Variants in RDH11 observed in about 807,000 individuals in gnomAD.
The protein encoded by RDH11 is retinol dehydrogenase 11.
In RDH11, 19 loss-of-function variants were observed where a neutral mutation model predicts 33.4. The observed-to-expected ratio is 0.57, with a 90% CI of 0.40 to 0.83. The LOEUF is 0.83. RDH11 is among the 40% of genes least tolerant of loss of function. RDH11 has a pLI of 0.00. For missense variants in RDH11, 353 were observed against 389.0 expected (o/e 0.91, Z 0.78); for synonymous variants, 154 against 155.3 (o/e 0.99, Z 0.06).
chr14:67,692,096 C>G (rs1566830242), intron 3 of RDH11: 1 of 195,354 alleles, frequency 5.1e-6, no homozygotes, highest in Non-Finnish European at 1.0e-5. Flanking sequence ...ACCTCAAATA[C>G]AGCTCCAGCT....
intron 5 of RDH11, 91 bp downstream of exon 5, chr14:67,690,121 G>A (rs2037729957): frequency 8.9e-7 from 1 of 1,121,556 alleles, no homozygotes; most frequent in South Asian, 1.3e-5. Flanking sequence ...GTCCTCTCCA[G>A]GTGATGGGCT....
chr14:67,676,970 G>A lies in RDH11; in HGVS notation c.*1351C>T, dbSNP rs1012084377. 6.6e-6 allele frequency: 1 copy of A among 152,120 alleles called. No individual in the cohort carries two copies. The highest frequency in any genetic ancestry group is 2.4e-5 in the African/African-American group (1 of 41,416). 9.4% of individuals were successfully genotyped at this position (152,120 alleles called of 1,614,324 possible). ...AATTTTTCTAATTTTTCCGTAAAAT[G>A]ACCATTTCTAAACATATAGCTTAAT... On this transcript the variant is annotated 3_prime_UTR_variant, in exon 7 of 7. Transcript: ENST00000381346.
At chr14:67,688,732 G>T (rs1008621785) in intron 5 of RDH11, among the ~76,000 whole-genome samples, 1 of 151,922 alleles carries the variant, frequency 6.6e-6, no homozygotes, top group African/African-American at 2.4e-5. Flanking sequence ...CACTGTGCCT[G>T]ACCTTATTTG....
chr14:67,695,024 C>T (rs2037811645), intron 1 of RDH11, among the ~76,000 whole-genome samples: 1 of 152,184 alleles, frequency 6.6e-6, no homozygotes, highest in Non-Finnish European at 1.5e-5. Flanking sequence ...CAGCCCTCAC[C>T]GCCCCAGTAC....
rs1315093289 is a variant in RDH11, at chr14:67,677,257, A to G, written c.*1064T>C. ...ATTTTAATCTTGTCAAGACAATGTA[A>G]GGAAATGCCCCAAAATATTATTAAA... On this transcript the variant is annotated 3_prime_UTR_variant, in exon 7 of 7. Coordinates refer to ENST00000381346, the MANE Select transcript of RDH11 (RefSeq NM_016026.4). 6.6e-6 allele frequency: 1 copy of G among 152,120 alleles called. No homozygotes were observed. Among genetic ancestry groups the G allele is most frequent in the African/African-American group, 2.4e-5 (1 of 41,432 alleles). 9.4% of individuals were successfully genotyped at this position (152,120 alleles called of 1,614,324 possible). A position where few individuals can be genotyped will look rare whatever the true frequency, so the allele number is the denominator to read the frequency against.
intron 4 of RDH11, 123 bp from the exon 5 acceptor site, chr14:67,690,544 T>C (rs1315744226): frequency 1.3e-6 from 1 of 770,510 alleles, no homozygotes; most frequent in Non-Finnish European, 2.1e-6. Context: ...CTCCAACTTT[T>C]CATTATCAAC....
intron 6 of RDH11, among the ~76,000 whole-genome samples, chr14:67,679,292 C>T (rs1442026454): frequency 1.3e-5 from 2 of 152,122 alleles, no homozygotes; most frequent in Non-Finnish European, 2.9e-5. Flanking sequence ...CCCTGCCTCT[C>T]TATACTGTTG....
At chr14:67,694,449 T>C (rs3759766) in intron 1 of RDH11, among the ~76,000 whole-genome samples, 2,858 of 145,774 alleles carry the variant, frequency 0.02, 44 homozygotes, top group Middle Eastern at 0.043. Context: ...TATATATATA[T>C]ATACACACAC....
intron 6 of RDH11, among the ~76,000 whole-genome samples, chr14:67,679,604 A>G (rs1009348257): frequency 6.6e-6 from 1 of 152,104 alleles, no homozygotes. Context: ...GGGTTTTGCC[A>G]TGTTGGCCAG....
At chr14:67,678,723 C>CTAAGGATATA in intron 6 of RDH11, among the ~76,000 whole-genome samples, 1 of 152,100 alleles carries the variant, frequency 6.6e-6, no homozygotes, top group Non-Finnish European at 1.5e-5. Flanking sequence ...CTGCCTGACA[C>CTAAGGATATA]CCATGTATAT....
chr14:67,692,836 G>A, intron 2 of RDH11, 98 bp downstream of exon 2: 1 of 1,025,598 alleles, frequency 9.8e-7, no homozygotes, highest in Non-Finnish European at 1.5e-6. Flanking sequence ...AGGTGTTCTT[G>A]AATTCCAAAA....
At chr14:67,691,053 CACA>C (rs1461928596) in intron 4 of RDH11, 84 bp downstream of exon 4, 1 of 859,394 alleles carries the variant, frequency 1.2e-6, no homozygotes, top group Non-Finnish European at 2.0e-6. Flanking sequence ...GGTTCAATCA[CACA>C]ACAAGAAGCC....
At chr14:67,692,678 T>A (rs559388285) in intron 2 of RDH11, 85 bp from the exon 3 acceptor site, 79 of 1,461,942 alleles carry the variant, frequency 5.4e-5, no homozygotes, top group South Asian at 3.8e-4. Flanking sequence ...AACATTTTTT[T>A]AAAAAACACA....
chr14:67,683,855 C>G lies in RDH11; in HGVS notation c.854+1160G>C, dbSNP rs78204770. On this transcript the variant is annotated intron_variant, in intron 6 of 6. Transcript: ENST00000381346. ...AAATTTCCTTCTTGCTTAAGCTAGACAAAGTCCCTTTCAACTGCTTTGGAA... is the reference window on the plus strand; with the variant it reads ...AAATTTCCTTCTTGCTTAAGCTAGAGAAAGTCCCTTTCAACTGCTTTGGAA... 5.9e-5 allele frequency among the ~76,000 whole-genome samples: 9 copies of G among 152,274 alleles called. 1 individual carries two copies. The East Asian group carries it at 1.5e-3, about 26-fold the overall frequency.
intron 2 of RDH11, 104 bp from the exon 3 acceptor site, chr14:67,692,697 C>T: frequency 7.3e-7 from 1 of 1,370,750 alleles, no homozygotes; most frequent in Non-Finnish European, 9.9e-7. Flanking sequence ...CACATTTTTA[C>T]CCTTTCTTCA....
At chr14:67,694,475 TATACAC>T (rs1566831669) in intron 1 of RDH11, among the ~76,000 whole-genome samples, 6 of 131,010 alleles carry the variant, frequency 4.6e-5, no homozygotes, top group African/African-American at 1.7e-4. Context: ...CATATATATA[TATACAC>T]ACACACACAT....
At chr14:67,687,701 C>A (rs963277698) in intron 5 of RDH11, among the ~76,000 whole-genome samples, 1 of 151,776 alleles carries the variant, frequency 6.6e-6, no homozygotes, top group African/African-American at 2.4e-5. Context: ...GAACTCCTGA[C>A]CTCAGGTGAT....
At chr14:67,678,605 A>G (rs139585635) in intron 6 of RDH11, among the ~76,000 whole-genome samples, 182 bp from the exon 7 acceptor site, 72 of 152,302 alleles carry the variant, frequency 4.7e-4, no homozygotes, top group African/African-American at 1.7e-3. Flanking sequence ...TGTAATTACC[A>G]TTTTAGATCT....
chr14:67,677,706 T>C lies in RDH11; in HGVS notation c.*615A>G, dbSNP rs7410. On this transcript the variant is annotated 3_prime_UTR_variant, in exon 7 of 7. Coordinates refer to ENST00000381346, the MANE Select transcript of RDH11 (RefSeq NM_016026.4). The stretch of plus-strand genomic sequence containing the variant: ...CACTGGTTTGCTCCATCTCTGATTA[T>C]TGTGGCTGTTTTGAACTTTGTGAAA... 11,285 of 152,272 alleles carry C rather than the reference T, an allele frequency of 0.074. 552 individuals carry two copies. Among genetic ancestry groups the C allele is most frequent in the Middle Eastern group, 0.15 (45 of 294 alleles). 9.4% of individuals were successfully genotyped at this position (152,272 alleles called of 1,614,324 possible). A position where few individuals can be genotyped will look rare whatever the true frequency, so the allele number is the denominator to read the frequency against.
Sources: allele counts gnomAD v4.1 joint callset (sites outside exome capture counted in the v4.1 genomes callset), GRCh38; gene constraint gnomAD v4.1.1; transcripts MANE v1.5; gene names NCBI Gene and HGNC (gene_info 2026-07-23, HGNC 2026-07-21).